The following COPS4 variants were observed in gnomAD, a reference collection of about 807,000 sequenced individuals.
The protein encoded by COPS4 is COP9 signalosome complex subunit 4.
Under a neutral mutation model 55.1 loss-of-function variants are expected in COPS4, and 8 were observed. The observed-to-expected ratio is 0.15, with a 90% CI of 0.09 to 0.26. COPS4 has a LOEUF of 0.26. Ranked by LOEUF, COPS4 falls within the 10% of genes least tolerant of loss-of-function variation. The pLI is 1.00. For missense variants in COPS4, 248 were observed against 484.0 expected (o/e 0.51, Z 4.58); for synonymous variants, 185 against 165.7 (o/e 1.12, Z -0.90).
At chr4:83,064,956 T>C in intron 7 of COPS4, 1 of 265,240 alleles carries the variant, frequency 3.8e-6, no homozygotes, top group East Asian at 1.5e-4. Flanking sequence ...CATGATGCCA[T>C]AGCTCACTGC....
intron 9 of COPS4, among the ~76,000 whole-genome samples, 160 bp downstream of exon 9, chr4:83,068,682 T>A (rs913751215): frequency 1.3e-5 from 2 of 152,184 alleles, no homozygotes; most frequent in Non-Finnish European, 2.9e-5. Context: ...GAAGTTATAT[T>A]CATGAGGCTG....
chr4:83,074,746 T>C (rs1019026509), intron 9 of COPS4, among the ~76,000 whole-genome samples: 17 of 151,876 alleles, frequency 1.1e-4, no homozygotes, highest in African/African-American at 4.1e-4. Context: ...CCTCAGGTGA[T>C]CTGCCTGCCT....
intron 7 of COPS4, among the ~76,000 whole-genome samples, chr4:83,064,172 C>A (rs1315811224): frequency 6.6e-6 from 1 of 152,026 alleles, no homozygotes; most frequent in African/African-American, 2.4e-5. Context: ...CTCATCTCTA[C>A]AAAATATAAA....
At position 83,064,965 on chromosome 4, in the gene COPS4, G is replaced by A. The variant is rs563183404; in HGVS notation, c.887-1473G>A. On this transcript the variant is annotated intron_variant, in intron 7 of 9. Transcript: ENST00000264389. The stretch of plus-strand genomic sequence containing the variant: ...CGCTGGCATGATGCCATAGCTCACT[G>A]CAGCCTCCACCTCTTGGGGATCCTT... 7.0e-4 allele frequency: 233 copies of A among 334,826 alleles called. 1 individual carries two copies. The highest frequency in any genetic ancestry group is 1.0e-3 in the Non-Finnish European group (180 of 173,852). 20.7% of individuals were successfully genotyped at this position (334,826 alleles called of 1,614,324 possible).
intron 8 of COPS4, among the ~76,000 whole-genome samples, chr4:83,066,960 A>G (rs1469793813): frequency 1.3e-5 from 2 of 152,220 alleles, no homozygotes; most frequent in East Asian, 3.8e-4. Flanking sequence ...CTTTAAATAA[A>G]ATTAAGCAAC....
At chr4:83,054,878 C>G (rs1730978104) in intron 4 of COPS4, among the ~76,000 whole-genome samples, 1 of 151,858 alleles carries the variant, frequency 6.6e-6, no homozygotes, top group South Asian at 2.1e-4. Flanking sequence ...CTTTTTCTTT[C>G]AAAAAATGAT....
At chr4:83,075,235 A>G in intron 9 of COPS4, 62 bp from the exon 10 acceptor site, 1 of 1,507,826 alleles carries the variant, frequency 6.6e-7, no homozygotes, top group South Asian at 1.2e-5. Flanking sequence ...ATATCTTTTA[A>G]CTCACAGTTG....
In COPS4 at chr4:83,035,316, A is replaced by T. The variant is rs899260840; in HGVS notation, c.74+18A>T. On this transcript the variant is annotated intron_variant, in intron 1 of 9. Coordinates refer to ENST00000264389, the MANE Select transcript of COPS4 (RefSeq NM_016129.3). ...GCTGGCAAGTGAGTATTTCCCAGGA[A>T]CGCGGGAGTACAGAGGTGGGGAAAG... 3.3e-6 allele frequency: 5 copies of T among 1,520,688 alleles called. No individual in the cohort carries two copies. The highest frequency in any genetic ancestry group is 4.5e-6 in the Non-Finnish European group (5 of 1,120,478). 94.2% of individuals were successfully genotyped at this position (1,520,688 alleles called of 1,614,324 possible).
chr4:83,050,014 A>G lies in COPS4; in HGVS notation c.410+30A>G, dbSNP rs767963743. The G allele has an allele frequency of 3.9e-6, 5 of 1,295,588 alleles. No homozygotes were observed. The African/African-American group carries it at 5.9e-5, about 15-fold the overall frequency. The allele number at this position is 1,295,588 out of a possible 1,614,324, so 80.3% of individuals were successfully genotyped here. On this transcript the variant is annotated intron_variant, in intron 4 of 9. Transcript: ENST00000264389. ...AGTAAATAGTGGATATTGGATGACT[A>G]TATATAGGATGTATATAATTGCTCA...
chr4:83,035,370 G>A, intron 1 of COPS4, 72 bp downstream of exon 1: 3 of 1,278,946 alleles, frequency 2.3e-6, no homozygotes, highest in Non-Finnish European at 3.2e-6. Context: ...TCCTTAGGTT[G>A]GCCACGGCTC....
At chr4:83,056,169 T>G (rs1339378432) in intron 4 of COPS4, among the ~76,000 whole-genome samples, 2 of 152,108 alleles carry the variant, frequency 1.3e-5, no homozygotes, top group African/African-American at 4.8e-5. Context: ...TGACCTCAGG[T>G]GATCCACCTG....
intron 9 of COPS4, among the ~76,000 whole-genome samples, chr4:83,068,748 T>C (rs769350950): frequency 1.3e-5 from 2 of 152,134 alleles, no homozygotes; most frequent in Non-Finnish European, 2.9e-5. Flanking sequence ...GAAAGGTGGA[T>C]CACTTGAGGT....
chr4:83,065,095 G>T lies in COPS4; in HGVS notation c.887-1343G>T. ...TCTCCATTTTGCCCAGGCTGGTCTT[G>T]AACTCCTGGGCTCAAGCAGTTCCTC... On this transcript the variant is annotated intron_variant, in intron 7 of 9. Coordinates refer to ENST00000264389, the MANE Select transcript of COPS4 (RefSeq NM_016129.3). 4.4e-6 allele frequency: 3 copies of T among 680,228 alleles called. No individual in the cohort carries two copies. In the South Asian group the frequency reaches 4.7e-5, roughly 11 times the overall value. 42.1% of individuals were successfully genotyped at this position (680,228 alleles called of 1,614,324 possible). A position where few individuals can be genotyped will look rare whatever the true frequency, so the allele number is the denominator to read the frequency against.
chr4:83,059,036 G>A (rs1438094361), intron 6 of COPS4, among the ~76,000 whole-genome samples: 1 of 151,836 alleles, frequency 6.6e-6, no homozygotes, highest in Non-Finnish European at 1.5e-5. Flanking sequence ...GAATGCTCTT[G>A]AGCATTTTTC....
intron 6 of COPS4, among the ~76,000 whole-genome samples, chr4:83,059,893 G>T (rs1281727736): frequency 6.6e-6 from 1 of 151,816 alleles, no homozygotes; most frequent in Non-Finnish European, 1.5e-5. Context: ...AGTAGAGACG[G>T]GGTTTCACCA....
intron 7 of COPS4, chr4:83,064,952 G>A: frequency 4.1e-6 from 1 of 241,392 alleles, no homozygotes. Flanking sequence ...CTGGCATGAT[G>A]CCATAGCTCA....
chr4:83,038,021 G>T (rs556754941), intron 1 of COPS4, among the ~76,000 whole-genome samples: 1 of 152,334 alleles, frequency 6.6e-6, no homozygotes, highest in South Asian at 2.1e-4. Context: ...CAGAGGAAAA[G>T]CATTTCCTCC....
At chr4:83,035,521 C>A in intron 1 of COPS4, 1 of 374,332 alleles carries the variant, frequency 2.7e-6, no homozygotes, top group Non-Finnish European at 5.2e-6. Context: ...AAATGATTGT[C>A]AGCTTGTTCA....
In COPS4 at chr4:83,057,071, C is replaced by T. The variant is rs777908150; in HGVS notation, c.556C>T (p.His186Tyr). Residue 186 changes from histidine to tyrosine, a missense_variant, in exon 5 of 10, where the codon CAT becomes TAT. Around this residue, in one of 4 missense-constraint regions of COPS4, gnomAD observed 155 missense variants for 326.6 expected, o/e 0.47. Coordinates refer to ENST00000264389, the MANE Select transcript of COPS4 (RefSeq NM_016129.3). ...ATCAACCAATGAACAATTACAGATA[C>T]ATTATAAGGTAACAGATGAGTTGAT... ...NESTNEQLQI[H>Y]YKVCYARVLD... The T allele has an allele frequency of 6.2e-7, 1 of 1,612,454 alleles. No homozygotes were observed. Among genetic ancestry groups the T allele is most frequent in the Non-Finnish European group, 8.5e-7 (1 of 1,179,164 alleles).
Sources: allele counts gnomAD v4.1 joint callset (sites outside exome capture counted in the v4.1 genomes callset), GRCh38; gene constraint gnomAD v4.1.1; regional missense constraint gnomAD v4.1.1; transcripts MANE v1.5; gene names NCBI Gene and HGNC (gene_info 2026-07-23, HGNC 2026-07-21).